ARHGAP29: variants seen among roughly 807,000 people sequenced by gnomAD.
ARHGAP29 encodes the protein rho GTPase-activating protein 29.
ARHGAP29 carries 43 observed loss-of-function variants against 122.6 expected under a neutral mutation model. That is an observed-to-expected ratio of 0.35 (90% CI 0.27 to 0.45). The LOEUF (loss-of-function observed/expected upper bound fraction) is 0.45, where lower values mean the gene tolerates loss of function less well. Ranked by LOEUF, ARHGAP29 falls within the 20% of genes least tolerant of loss-of-function variation. The probability of loss-of-function intolerance (pLI) is 1.00; values close to 1 mark genes in which losing one functional copy is unlikely to be tolerated. For missense variants in ARHGAP29, 1,303 were observed against 1,477.2 expected, an observed-to-expected ratio of 0.88 and a Z score of 1.93; for synonymous variants, 506 against 497.1, an observed-to-expected ratio of 1.02 and a Z score of -0.24.
rs1648613017 is a variant in ARHGAP29, at chr1:94,169,809, G to T, written c.*4060C>A. On this transcript the variant is annotated 3_prime_UTR_variant, in exon 23 of 23. Transcript: ENST00000260526. Reference sequence around the variant, plus strand: ...GATGAGCTCGTAAAAAAAATAAGAGGGGAAAAAGCAATGAGGCATCTCTAA... The same window carrying T: ...GATGAGCTCGTAAAAAAAATAAGAGTGGAAAAAGCAATGAGGCATCTCTAA... Among the ~76,000 whole-genome samples, 1 of 152,042 alleles carries T rather than the reference G, an allele frequency of 6.6e-6. No homozygotes were observed. The highest frequency in any genetic ancestry group is 2.1e-4 in the South Asian group (1 of 4,820).
In ARHGAP29 at chr1:94,174,376, CTTGGCAGTTAGGCTGTTTTGTTCATACTG is replaced by C; in HGVS notation, c.3250_3278del (p.Gln1084AspfsTer21). ...GTGCACTGGGCATGATCATTGTAGT[CTTGGCAGTTAGGCTGTTTTGTTCATACTG>C]TTTGTCCTGAATTTTCTGTAGAGTT... On this transcript the variant is annotated frameshift_variant, in exon 23 of 23. Transcript: ENST00000260526. LOFTEE classifies it low-confidence loss of function (END_TRUNC). The C allele has an allele frequency of 6.2e-7, 1 of 1,614,084 alleles. No individual in the cohort carries two copies. The highest frequency in any genetic ancestry group is 8.5e-7 in the Non-Finnish European group (1 of 1,180,012).
At chr1:94,242,397 G>A (rs201644542), upstream of ARHGAP29, among the ~76,000 whole-genome samples, 2 of 152,060 alleles carry the variant, frequency 1.3e-5, no homozygotes, top group Non-Finnish European at 2.9e-5. Flanking sequence ...AAACAAAGTA[G>A]TAACAATATG....
chr1:94,265,847 A>G (rs1654750394), intron 1 of ARHGAP29, among the ~76,000 whole-genome samples: 2 of 152,158 alleles, frequency 1.3e-5, no homozygotes, highest in South Asian at 4.1e-4. Context: ...CTATTTCACC[A>G]GAGGGAATGG....
chr1:94,234,785 A>G (rs1653144823), intron 1 of ARHGAP29, among the ~76,000 whole-genome samples: 1 of 152,148 alleles, frequency 6.6e-6, no homozygotes, highest in Non-Finnish European at 1.5e-5. Flanking sequence ...GCCTAACCAA[A>G]CATCACTCTT....
chr1:94,311,226 G>A, the ARHGAP29 span, among the ~76,000 whole-genome samples: 5 of 152,172 alleles, frequency 3.3e-5, no homozygotes, highest in Non-Finnish European at 7.3e-5. Flanking sequence ...GTAAGTGAAA[G>A]GTCAAATCTA....
At chr1:94,204,144 C>CTTTT (rs371499898) in intron 7 of ARHGAP29, 150 bp from the exon 8 acceptor site, 3 of 381,478 alleles carry the variant, frequency 7.9e-6, no homozygotes, top group African/African-American at 4.4e-5. Flanking sequence ...TTCTTTCTTC[C>CTTTT]TTTTTTTTTT....
chr1:94,212,032 A>C (rs1651653499), intron 3 of ARHGAP29, among the ~76,000 whole-genome samples: 1 of 152,178 alleles, frequency 6.6e-6, no homozygotes, highest in South Asian at 2.1e-4. Flanking sequence ...CTGACCCAGC[A>C]CTTTGGGAGA....
intron 12 of ARHGAP29, among the ~76,000 whole-genome samples, chr1:94,201,272 G>A (rs1274793764): frequency 6.6e-6 from 1 of 152,066 alleles, no homozygotes; most frequent in South Asian, 2.1e-4. Flanking sequence ...CATCAATCCA[G>A]AGAACATGGG....
intron 3 of ARHGAP29, among the ~76,000 whole-genome samples, 193 bp from the exon 4 acceptor site, chr1:94,209,543 G>A (rs1404627627): frequency 6.6e-6 from 1 of 152,112 alleles, no homozygotes; most frequent in African/African-American, 2.4e-5. Context: ...GAATCAGCTT[G>A]CATAAAAGCA....
chr1:94,265,896 G>C (rs542689857), intron 1 of ARHGAP29, among the ~76,000 whole-genome samples: 59 of 152,274 alleles, frequency 3.9e-4, no homozygotes, highest in African/African-American at 1.4e-3. Context: ...TATGTTTCTT[G>C]GTTCATGGGA....
the ARHGAP29 span, among the ~76,000 whole-genome samples, chr1:94,300,082 T>A: frequency 6.6e-6 from 1 of 152,204 alleles, no homozygotes; most frequent in Non-Finnish European, 1.5e-5. Context: ...GGCTTAGGCA[T>A]CTCTTGGAGC....
chr1:94,215,173 A>G (rs1032998856), intron 3 of ARHGAP29, among the ~76,000 whole-genome samples: 6 of 151,706 alleles, frequency 4.0e-5, no homozygotes, highest in Admixed American at 2.0e-4. Flanking sequence ...AGACCTACCT[A>G]ATGAAAACTT....
chr1:94,256,852 C>T (rs1234671079), intron 1 of ARHGAP29, among the ~76,000 whole-genome samples: 3 of 151,956 alleles, frequency 2.0e-5, no homozygotes, highest in Non-Finnish European at 2.9e-5. Flanking sequence ...GCCACCGCGC[C>T]TGCCCAACAG....
At chr1:94,276,147 A>G (rs989507285), upstream of ARHGAP29, among the ~76,000 whole-genome samples, 1 of 152,012 alleles carries the variant, frequency 6.6e-6, no homozygotes, top group African/African-American at 2.4e-5. Context: ...AATCTCAGCT[A>G]CTTGGGAAGA....
the ARHGAP29 span, among the ~76,000 whole-genome samples, chr1:94,300,152 G>A: frequency 6.6e-6 from 1 of 152,182 alleles, no homozygotes; most frequent in Non-Finnish European, 1.5e-5. Flanking sequence ...GCTGGAGGCT[G>A]TCTTGCTTCT....
chr1:94,181,812 T>G (rs1026417421), intron 19 of ARHGAP29, among the ~76,000 whole-genome samples: 4 of 152,232 alleles, frequency 2.6e-5, no homozygotes, highest in African/African-American at 9.6e-5. Flanking sequence ...ACAAGCCACA[T>G]GTGGCTACTG....
intron 19 of ARHGAP29, among the ~76,000 whole-genome samples, chr1:94,182,838 AAAC>A (rs1436704014): frequency 6.6e-6 from 1 of 152,052 alleles, no homozygotes; most frequent in Admixed American, 6.6e-5. Context: ...AAACAAAACA[AAAC>A]AAAACAAAAC....
chr1:94,257,295 G>A (rs1455275501), intron 1 of ARHGAP29, among the ~76,000 whole-genome samples: 1 of 152,030 alleles, frequency 6.6e-6, no homozygotes, highest in Admixed American at 6.6e-5. Context: ...TCAGCTACCC[G>A]GGAGGCTGAG....
chr1:94,220,416 T>G (rs1185958913), intron 2 of ARHGAP29, 24 bp from the exon 3 acceptor site: 1 of 1,545,634 alleles, frequency 6.5e-7, no homozygotes, highest in Non-Finnish European at 8.7e-7. Flanking sequence ...AAAAAATAAT[T>G]TATTTCCAGA....
Sources: gnomAD v4.1 joint callset for allele counts (sites outside exome capture counted in the v4.1 genomes callset) on GRCh38, gnomAD v4.1.1 for gene constraint, MANE v1.5 for transcripts, NCBI Gene and HGNC (gene_info 2026-07-23, HGNC 2026-07-21) for gene names.